NLN: variants seen among roughly 807,000 people sequenced by gnomAD.
NLN encodes the protein neurolysin, mitochondrial.
Under a neutral mutation model 79.9 loss-of-function variants are expected in NLN, and 64 were observed. The ratio of observed to expected loss-of-function variants is 0.80; its 90% confidence interval spans 0.65 to 0.99. NLN has a LOEUF of 0.99. Ranked by LOEUF, NLN falls within the 50% of genes least tolerant of loss-of-function variation. The probability of loss-of-function intolerance (pLI) is 0.00; values close to 1 mark genes in which losing one functional copy is unlikely to be tolerated. For missense variants in NLN, 835 were observed against 858.7 expected (o/e 0.97, Z 0.34); for synonymous variants, 267 against 296.6 (o/e 0.90, Z 1.02).
intron 1 of NLN, among the ~76,000 whole-genome samples, chr5:65,745,365 T>A (rs1758953764): frequency 6.6e-6 from 1 of 152,126 alleles, no homozygotes; most frequent in South Asian, 2.1e-4. Context: ...AGTTGCAGCA[T>A]CAGTATAGGA....
chr5:65,794,383 G>A (rs934513359), intron 9 of NLN, among the ~76,000 whole-genome samples: 4 of 152,124 alleles, frequency 2.6e-5, no homozygotes, highest in Non-Finnish European at 4.4e-5. Flanking sequence ...GGCCAAGGGC[G>A]GCAGATCGCC....
chr5:65,769,155 A>G (rs979052719), intron 3 of NLN, among the ~76,000 whole-genome samples: 5 of 152,264 alleles, frequency 3.3e-5, no homozygotes, highest in African/African-American at 9.6e-5. Context: ...CACTTCTGCC[A>G]TACCATATGG....
In NLN at chr5:65,772,986, G is replaced by A. The variant is rs534760664; in HGVS notation, c.451-4441G>A. 2.7e-5 allele frequency among the ~76,000 whole-genome samples: 4 copies of A among 149,746 alleles called. No homozygotes were observed. The South Asian group carries it at 6.4e-4, about 24-fold the overall frequency. On this transcript the variant is annotated intron_variant, in intron 3 of 12. Transcript: ENST00000380985. ...TTTTTTTAAATGAGCAGGGTCTCAC[G>A]CTGTCACCTTGGCCAGAATACAGTG...
At chr5:65,726,057 C>T (rs919236685) in intron 1 of NLN, among the ~76,000 whole-genome samples, 6 of 149,658 alleles carry the variant, frequency 4.0e-5, no homozygotes, top group African/African-American at 9.9e-5. Flanking sequence ...GTTTGCAGTG[C>T]GCCGAGATTG....
Position 65,826,568 on chromosome 5 carries a change from T to C in NLN, c.*3653T>C, listed in dbSNP as rs1189011513. ...TCCCATCTGAAATTGGATAGCCCACTGAAATTGAACATGCCTTCTCTTATA... is the reference window on the plus strand; with the variant it reads ...TCCCATCTGAAATTGGATAGCCCACCGAAATTGAACATGCCTTCTCTTATA... On this transcript the variant is annotated 3_prime_UTR_variant, in exon 13 of 13. Transcript: ENST00000380985. The C allele has an allele frequency of 6.6e-6, 1 of 152,180 alleles. No homozygotes were observed. Among genetic ancestry groups the C allele is most frequent in the African/African-American group, 2.4e-5 (1 of 41,440 alleles). The allele number at this position is 152,180 out of a possible 1,614,324, so 9.4% of individuals were successfully genotyped here. A position where few individuals can be genotyped will look rare whatever the true frequency, so the allele number is the denominator to read the frequency against.
At chr5:65,738,970 A>T (rs1306356447) in intron 1 of NLN, among the ~76,000 whole-genome samples, 1,458 of 63,786 alleles carry the variant, frequency 0.023, 14 homozygotes, top group African/African-American at 0.032. Flanking sequence ...TGTATATATA[A>T]ATATATATAT....
intron 7 of NLN, among the ~76,000 whole-genome samples, chr5:65,787,542 T>C (rs1183577136): frequency 6.6e-6 from 1 of 152,098 alleles, no homozygotes; most frequent in Non-Finnish European, 1.5e-5. Context: ...TACAGTAAAG[T>C]GAAAAATTGA....
intron 9 of NLN, among the ~76,000 whole-genome samples, chr5:65,800,932 A>G (rs1023202513): frequency 2.6e-5 from 4 of 151,960 alleles, no homozygotes; most frequent in African/African-American, 9.7e-5. Flanking sequence ...AGCTCAATCA[A>G]TTCTCCTGCT....
intron 1 of NLN, among the ~76,000 whole-genome samples, chr5:65,751,599 A>G (rs1292979935): frequency 6.6e-6 from 1 of 152,212 alleles, no homozygotes; most frequent in African/African-American, 2.4e-5. Flanking sequence ...TGAAAGGTGA[A>G]CTGGAATGGT....
chr5:65,743,386 T>C (rs1346378826), intron 1 of NLN, among the ~76,000 whole-genome samples: 3 of 152,228 alleles, frequency 2.0e-5, no homozygotes, highest in Non-Finnish European at 4.4e-5. Context: ...TTAACCGACA[T>C]ATAGATCCTG....
At chr5:65,734,391 C>T (rs536975653) in intron 1 of NLN, among the ~76,000 whole-genome samples, 1 of 138,544 alleles carries the variant, frequency 7.2e-6, no homozygotes, top group South Asian at 2.2e-4. Context: ...GGGGGCAGAA[C>T]TGGGTGAAAA....
Position 65,826,403 on chromosome 5 carries a change from C to T in NLN, c.*3488C>T, listed in dbSNP as rs956182626. The T allele has an allele frequency of 2.0e-5, 3 of 152,244 alleles. No homozygotes were observed. Among genetic ancestry groups the T allele is most frequent in the Middle Eastern group, 3.4e-3 (1 of 294 alleles). 9.4% of individuals were successfully genotyped at this position (152,244 alleles called of 1,614,324 possible). A position where few individuals can be genotyped will look rare whatever the true frequency, so the allele number is the denominator to read the frequency against. On this transcript the variant is annotated 3_prime_UTR_variant, in exon 13 of 13. Transcript: ENST00000380985. ...TGGGGCACAAACATTCAGTCCATAA[C>T]GAATACTGATTCCTCAAATAGGGTT... is the stretch of plus-strand genomic sequence containing the variant.
At chr5:65,770,269 C>T (rs1034218152) in intron 3 of NLN, among the ~76,000 whole-genome samples, 4 of 152,106 alleles carry the variant, frequency 2.6e-5, no homozygotes, top group Non-Finnish European at 1.5e-5. Flanking sequence ...GAGAAAATAA[C>T]TTTACAAAAC....
chr5:65,745,082 A>G (rs1381511472), intron 1 of NLN, among the ~76,000 whole-genome samples: 1 of 152,142 alleles, frequency 6.6e-6, no homozygotes, highest in Non-Finnish European at 1.5e-5. Context: ...CAGGTCTTCC[A>G]TGTTTGAGTG....
intron 3 of NLN, among the ~76,000 whole-genome samples, chr5:65,766,456 TG>T (rs922866007): frequency 3.3e-5 from 5 of 152,268 alleles, no homozygotes; most frequent in African/African-American, 1.2e-4. Context: ...GAGAACAGCA[TG>T]GGGGAAACCA....
At chr5:65,772,672 G>C (rs991632889) in intron 3 of NLN, among the ~76,000 whole-genome samples, 1 of 151,200 alleles carries the variant, frequency 6.6e-6, no homozygotes, top group East Asian at 1.9e-4. Context: ...TTTTTGGTTT[G>C]GGTTTTTGTT....
chr5:65,822,686 T>C, intron 12 of NLN, 95 bp from the exon 13 acceptor site: 1 of 908,632 alleles, frequency 1.1e-6, no homozygotes, highest in Non-Finnish European at 1.8e-6. Flanking sequence ...CTAAAGTCCT[T>C]TTTCCTTCAC....
At chr5:65,795,554 G>A (rs1199689019) in intron 9 of NLN, among the ~76,000 whole-genome samples, 1 of 152,146 alleles carries the variant, frequency 6.6e-6, no homozygotes. Flanking sequence ...GGGCATAGTG[G>A]CACATGCCTG....
At chr5:65,735,968 A>T (rs1758719343) in intron 1 of NLN, among the ~76,000 whole-genome samples, 1 of 152,242 alleles carries the variant, frequency 6.6e-6, no homozygotes, top group Non-Finnish European at 1.5e-5. Flanking sequence ...CAAAAAATGT[A>T]ATGCATATAC....
Sources: gnomAD v4.1 joint callset for allele counts (sites outside exome capture counted in the v4.1 genomes callset) on GRCh38, gnomAD v4.1.1 for gene constraint, MANE v1.5 for transcripts, NCBI Gene and HGNC (gene_info 2026-07-23, HGNC 2026-07-21) for gene names.